The following TMTC2 variants were observed in gnomAD, a reference collection of about 807,000 sequenced individuals.
TMTC2 encodes the protein transmembrane O-mannosyltransferase targeting cadherins 2.
A neutral mutation model predicts 82.4 loss-of-function variants in TMTC2; 43 were observed. The ratio of observed to expected loss-of-function variants is 0.52; its 90% confidence interval spans 0.41 to 0.67. The LOEUF (loss-of-function observed/expected upper bound fraction) is 0.67. Ranked by LOEUF, TMTC2 falls within the 30% of genes least tolerant of loss-of-function variation. The probability of loss-of-function intolerance (pLI) is 0.00; values close to 1 mark genes in which losing one functional copy is unlikely to be tolerated. For synonymous variants in TMTC2, 408 were observed against 381.9 expected (o/e 1.07, Z -0.80); for missense variants, 919 against 1,012.4 (o/e 0.91, Z 1.25).
chr12:82,992,395 TCA>T (rs1399469846), intron 8 of TMTC2, among the ~76,000 whole-genome samples: 1 of 152,222 alleles, frequency 6.6e-6, no homozygotes, highest in Non-Finnish European at 1.5e-5. Context: ...TGGAGCTAGT[TCA>T]GAACAAATGG....
At chr12:82,799,132 A>G (rs189582959) in intron 1 of TMTC2, among the ~76,000 whole-genome samples, 50 of 152,282 alleles carry the variant, frequency 3.3e-4, no homozygotes, top group African/African-American at 1.0e-3. Context: ...GCAGCTACCT[A>G]TAACTTTATG....
intron 1 of TMTC2, among the ~76,000 whole-genome samples, chr12:82,700,427 A>G (rs1873020943): frequency 6.6e-6 from 1 of 152,238 alleles, no homozygotes; most frequent in African/African-American, 2.4e-5. Flanking sequence ...AAAAGCCAAT[A>G]TCCAAAATTT....
chr12:83,016,039 A>C (rs773868861), intron 8 of TMTC2, among the ~76,000 whole-genome samples: 1 of 152,192 alleles, frequency 6.6e-6, no homozygotes, highest in African/African-American at 2.4e-5. Context: ...CTTTATTTGT[A>C]AGTCACAGAA....
intron 1 of TMTC2, among the ~76,000 whole-genome samples, chr12:82,787,841 G>A (rs1398192279): frequency 6.6e-6 from 1 of 152,018 alleles, no homozygotes; most frequent in African/African-American, 2.4e-5. Flanking sequence ...AACCTGGGAG[G>A]TGGAGGTAGC....
At chr12:82,972,390 G>A (rs2137315011) in intron 7 of TMTC2, among the ~76,000 whole-genome samples, 1 of 152,000 alleles carries the variant, frequency 6.6e-6, no homozygotes, top group South Asian at 2.1e-4. Flanking sequence ...ACACAGATTT[G>A]AAATTGAAAA....
chr12:82,872,352 C>T (rs910086954), intron 2 of TMTC2, among the ~76,000 whole-genome samples: 1 of 152,190 alleles, frequency 6.6e-6, no homozygotes, highest in African/African-American at 2.4e-5. Context: ...TTGGTCTTGA[C>T]TAAGTTTGCC....
intron 2 of TMTC2, among the ~76,000 whole-genome samples, chr12:82,864,055 T>C (rs2137124917): frequency 6.6e-6 from 1 of 151,300 alleles, no homozygotes; most frequent in Non-Finnish European, 1.5e-5. Context: ...ACTGGAGAGG[T>C]GAGGAAGAGT....
chr12:83,048,269 GA>G (rs1853369993), intron 9 of TMTC2, among the ~76,000 whole-genome samples: 1 of 151,968 alleles, frequency 6.6e-6, no homozygotes, highest in African/African-American at 2.4e-5. Context: ...CAGATTATCT[GA>G]TTCTTATTTT....
chr12:82,760,822 T>C (rs765036156), intron 1 of TMTC2: 4 of 411,020 alleles, frequency 9.7e-6, no homozygotes, highest in Non-Finnish European at 2.0e-5. Context: ...TCATACTTGT[T>C]ATGAAAATCT....
chr12:82,918,468 A>G (rs1875150376), intron 3 of TMTC2, among the ~76,000 whole-genome samples: 1 of 152,168 alleles, frequency 6.6e-6, no homozygotes, highest in Non-Finnish European at 1.5e-5. Flanking sequence ...ATAGAACTCA[A>G]GATTTTCATA....
chr12:82,972,346 C>T (rs1878487845), intron 7 of TMTC2, among the ~76,000 whole-genome samples: 1 of 151,840 alleles, frequency 6.6e-6, no homozygotes, highest in East Asian at 1.9e-4. Flanking sequence ...ATGTATTTTC[C>T]TCCATCATCC....
Position 82,930,435 on chromosome 12 carries a change from G to C in TMTC2, c.1488G>C (p.Trp496Cys). 1 of 1,581,302 alleles carries C rather than the reference G, an allele frequency of 6.3e-7. No homozygotes were observed. The highest frequency in any genetic ancestry group is 8.6e-7 in the Non-Finnish European group (1 of 1,157,964). ...SGIKVNPAKAWGNLGNVLKSQ... is the reference protein window; with the variant it reads ...SGIKVNPAKACGNLGNVLKSQ... Reference sequence around the variant, plus strand: ...ATTTCTTTTTCTTCTTGGCAGCATGGGGTAACCTTGGAAATGTTCTGAAGA... The same window carrying C: ...ATTTCTTTTTCTTCTTGGCAGCATGCGGTAACCTTGGAAATGTTCTGAAGA... Residue 496 changes from tryptophan (W) to cysteine (C), a missense_variant, in exon 4 of 12, where the codon TGG becomes TGC. Coordinates refer to ENST00000321196, the MANE Select transcript of TMTC2 (RefSeq NM_152588.3).
intron 9 of TMTC2, among the ~76,000 whole-genome samples, chr12:83,036,167 A>T (rs1421516611): frequency 6.6e-6 from 1 of 152,120 alleles, no homozygotes; most frequent in Admixed American, 6.5e-5. Context: ...GATGAGTCCT[A>T]AGCCTCTTAC....
In TMTC2 at chr12:82,965,607, G is replaced by T. The variant is rs368290342; in HGVS notation, c.1732G>T (p.Glu578Ter). Residue 578 changes from glutamate (E) to a stop codon, truncating the protein, a stop_gained, in exon 6 of 12, where the codon GAA (glutamate) becomes TAA (stop). Transcript: ENST00000321196. LOFTEE classifies it high-confidence loss of function. ...GIILMNQGRT[E>*]EARRTFLKCS... ...TATTCTAATGAACCAAGGAAGGACGGAAGAAGCCCGACGGACATTCTTAAA... is the reference window on the plus strand; with the variant it reads ...TATTCTAATGAACCAAGGAAGGACGTAAGAAGCCCGACGGACATTCTTAAA... The T allele has an allele frequency of 3.7e-6, 6 of 1,613,606 alleles. No homozygotes were observed. The Admixed American group carries it at 1.0e-4, about 27-fold the overall frequency.
intron 9 of TMTC2, among the ~76,000 whole-genome samples, chr12:83,041,851 C>A (rs1449827656): frequency 2.6e-5 from 4 of 152,124 alleles, no homozygotes; most frequent in Admixed American, 1.3e-4. Flanking sequence ...TCTGTAGCTA[C>A]AAATCTCAAC....
At chr12:82,718,724 A>G (rs1301501010) in intron 1 of TMTC2, among the ~76,000 whole-genome samples, 1 of 152,194 alleles carries the variant, frequency 6.6e-6, no homozygotes, top group Admixed American at 6.5e-5. Flanking sequence ...AAACATACCC[A>G]TGCCCTATTA....
intron 4 of TMTC2, among the ~76,000 whole-genome samples, chr12:82,937,730 ATGT>A (rs1876399163): frequency 3.8e-5 from 1 of 26,462 alleles, no homozygotes; most frequent in African/African-American, 7.7e-5. Context: ...GTGTGTGTGG[ATGT>A]GTGTGTGTGT....
intron 8 of TMTC2, among the ~76,000 whole-genome samples, chr12:83,004,842 A>C (rs548040850): frequency 3.2e-4 from 44 of 138,998 alleles, no homozygotes; most frequent in African/African-American, 1.1e-3. Flanking sequence ...GGCAGGCGCG[A>C]AGCAGGGAGT....
intron 11 of TMTC2, among the ~76,000 whole-genome samples, chr12:83,117,916 A>ATTTATTTT (rs1270706217): frequency 1.3e-5 from 2 of 148,408 alleles, no homozygotes; most frequent in East Asian, 3.9e-4. Flanking sequence ...TTATTTATTT[A>ATTTATTTT]TTTATTTATT....
Sources: gnomAD v4.1 joint callset for allele counts (sites outside exome capture counted in the v4.1 genomes callset) on GRCh38, gnomAD v4.1.1 for gene constraint, MANE v1.5 for transcripts, NCBI Gene and HGNC (gene_info 2026-07-23, HGNC 2026-07-21) for gene names.